SMAP2: variants seen among roughly 807,000 people sequenced by gnomAD.
The protein encoded by SMAP2 is stromal membrane-associated protein 2.
Under a neutral mutation model 56.4 loss-of-function variants are expected in SMAP2, and 25 were observed. The ratio of observed to expected loss-of-function variants is 0.44; its 90% CI spans 0.32 to 0.62. SMAP2 has a LOEUF of 0.62. Ranked by LOEUF, SMAP2 falls within the 20% of genes least tolerant of loss-of-function variation. SMAP2 has a pLI of 0.04. For synonymous variants in SMAP2, 157 were observed against 181.7 expected, an observed-to-expected ratio of 0.86 and a Z score of 1.09; for missense variants, 388 against 545.6, an observed-to-expected ratio of 0.71 and a Z score of 2.88.
chr1:40,405,438 A>G (rs912207535), intron 1 of SMAP2, among the ~76,000 whole-genome samples: 6 of 152,200 alleles, frequency 3.9e-5, no homozygotes, highest in Admixed American at 6.5e-5. Context: ...GCAGTGAGCT[A>G]TGATCGTGCC....
intron 1 of SMAP2, among the ~76,000 whole-genome samples, chr1:40,357,442 G>A (rs1167400497): frequency 4.6e-5 from 7 of 150,926 alleles, no homozygotes; most frequent in Admixed American, 2.0e-4. Context: ...GCCACAGAGC[G>A]AGATTCTGTC....
chr1:40,376,142 G>A (rs1644539642), intron 1 of SMAP2, among the ~76,000 whole-genome samples: 1 of 151,748 alleles, frequency 6.6e-6, no homozygotes, highest in Non-Finnish European at 1.5e-5. Context: ...GTAGAGACAG[G>A]GTTTCACCAT....
At chr1:40,400,085 T>C (rs1569887700) in intron 1 of SMAP2, among the ~76,000 whole-genome samples, 1 of 152,150 alleles carries the variant, frequency 6.6e-6, no homozygotes, top group East Asian at 1.9e-4. Context: ...GCTGAGACCC[T>C]TGTGATGTAT....
In SMAP2 at chr1:40,408,651, A is replaced by G; in HGVS notation, c.238-2A>G. On this transcript the variant is annotated splice_acceptor_variant, in intron 2 of 9. Coordinates refer to ENST00000372718, the MANE Select transcript of SMAP2 (RefSeq NM_022733.3). LOFTEE classifies it high-confidence loss of function. This position sits in a 1 kb window ranked among gnomAD's most constrained non-coding sequence, Gnocchi z 4.3. ...ATGTTTCTACATTCTCTTTGGTCAC[A>G]GTGCATGCAAGAGATGGGAAATGGA... The G allele has an allele frequency of 1.9e-6, 3 of 1,612,348 alleles. No homozygotes were observed. Among genetic ancestry groups the G allele is most frequent in the Non-Finnish European group, 2.5e-6 (3 of 1,178,464 alleles).
intron 9 of SMAP2, among the ~76,000 whole-genome samples, chr1:40,418,267 A>G (rs1645009339): frequency 6.6e-6 from 1 of 152,252 alleles, no homozygotes; most frequent in Non-Finnish European, 1.5e-5. Context: ...ACTCAATTAC[A>G]AGTTAGCTAA....
At chr1:40,357,474 A>AC (rs58265889) in intron 1 of SMAP2, among the ~76,000 whole-genome samples, 14 of 93,888 alleles carry the variant, frequency 1.5e-4, no homozygotes, top group African/African-American at 6.5e-4. Flanking sequence ...CAACAACCAC[A>AC]AAAAAAAAAA....
Position 40,385,240 on chromosome 1 carries a change from G to T in SMAP2, c.103+11017G>T, listed in dbSNP as rs1644642225. On this transcript the variant is annotated intron_variant, in intron 1 of 9. Coordinates refer to ENST00000372718, the MANE Select transcript of SMAP2 (RefSeq NM_022733.3). This position sits in a 1 kb window ranked among gnomAD's most constrained non-coding sequence, Gnocchi z 4.5. The stretch of plus-strand genomic sequence containing the variant: ...TCGGTAGTAGTAGAATTTTATTATT[G>T]TTGCTTTTTTTCATTTTCAATTAAT... Among the ~76,000 whole-genome samples, 1 of 152,110 alleles carries T rather than the reference G, an allele frequency of 6.6e-6. No individual in the cohort carries two copies. The highest frequency in any genetic ancestry group is 1.9e-4 in the East Asian group (1 of 5,180).
rs966085994 is a variant in SMAP2 at position 40,373,886 on chromosome 1, T to G, written c.-235T>G. 2 of 430,740 alleles carry G rather than the reference T, an allele frequency of 4.6e-6. No individual in the cohort carries two copies. The highest frequency in any genetic ancestry group is 4.2e-6 in the Non-Finnish European group (1 of 237,904). The allele number at this position is 430,740 out of a possible 1,614,324, so 26.7% of individuals were successfully genotyped here. Reference sequence around the variant, plus strand: ...GGGTCTCTGGCCCCGCAGCCTCTCTTGGAGGCGGGCCTGTCCCTAAGCCCG... The same window carrying G: ...GGGTCTCTGGCCCCGCAGCCTCTCTGGGAGGCGGGCCTGTCCCTAAGCCCG... On this transcript the variant is annotated 5_prime_UTR_variant, in exon 1 of 10. Coordinates refer to ENST00000372718, the MANE Select transcript of SMAP2 (RefSeq NM_022733.3).
intron 3 of SMAP2, among the ~76,000 whole-genome samples, chr1:40,409,548 G>A (rs1644915759): frequency 6.6e-6 from 1 of 152,266 alleles, no homozygotes; most frequent in South Asian, 2.1e-4. Context: ...TGAAGGGAAA[G>A]CATAGGAAGT....
At chr1:40,411,393 C>T (rs1271290787) in intron 4 of SMAP2, among the ~76,000 whole-genome samples, 1 of 152,144 alleles carries the variant, frequency 6.6e-6, no homozygotes, top group African/African-American at 2.4e-5. Flanking sequence ...CAGATGAGGT[C>T]AGAAAAGGGT....
intron 1 of SMAP2, among the ~76,000 whole-genome samples, chr1:40,377,542 G>C (rs548257457): frequency 2.0e-5 from 3 of 152,292 alleles, no homozygotes; most frequent in Non-Finnish European, 4.4e-5. Flanking sequence ...CCAAAGCCCT[G>C]GGGTTAATGT....
intron 1 of SMAP2, among the ~76,000 whole-genome samples, chr1:40,347,879 G>A (rs1030165547): frequency 1.3e-5 from 2 of 152,160 alleles, no homozygotes; most frequent in Admixed American, 6.6e-5. Context: ...GTCTGTGTGT[G>A]AGATTTATTC....
chr1:40,406,781 GA>G lies in SMAP2; in HGVS notation c.150del (p.Cys51ValfsTer15). On this transcript the variant is annotated frameshift_variant, in exon 2 of 10. Coordinates refer to ENST00000372718, the MANE Select transcript of SMAP2 (RefSeq NM_022733.3). LOFTEE classifies it high-confidence loss of function. ...AACATTGGTGTGTTCATCTGCATTC[GA>G]TGTGCTGGAATCCACAGGAATCTGG... ...SWNIGVFICI[R>X]CAGIHRNLGV... 1 of 1,614,082 alleles carries G rather than the reference GA, an allele frequency of 6.2e-7. No individual in the cohort carries two copies. Among genetic ancestry groups the G allele is most frequent in the Non-Finnish European group, 8.5e-7 (1 of 1,179,974 alleles).
rs781051229 is a variant in SMAP2, at chr1:40,415,256, C to T, written c.572-16C>T. Reference sequence around the variant, plus strand: ...AATAAGCAGTGCTGCATCTTAACTTCGATCTCTCTTTCTAGATGCTCCTGT... The same window carrying T: ...AATAAGCAGTGCTGCATCTTAACTTTGATCTCTCTTTCTAGATGCTCCTGT... On this transcript the variant is annotated splice_polypyrimidine_tract_variant and intron_variant, in intron 6 of 9. Transcript: ENST00000372718. The T allele has an allele frequency of 1.6e-5, 25 of 1,588,492 alleles. No individual in the cohort carries two copies. The Middle Eastern group carries it at 5.0e-4, about 32-fold the overall frequency.
At chr1:40,388,260 C>T (rs1644680574) in intron 1 of SMAP2, among the ~76,000 whole-genome samples, 1 of 152,228 alleles carries the variant, frequency 6.6e-6, no homozygotes, top group South Asian at 2.1e-4. Flanking sequence ...GACTGGCGGG[C>T]AGCTCCACCT....
At position 40,373,798 on chromosome 1, in the gene SMAP2, C is replaced by A. The variant is rs1210689330; in HGVS notation, c.-323C>A. ...CGGGACGCAAGGCCAGCAGACAGGC[C>A]GGCCAGAGGGTCATCTGCGTCCGGC... On this transcript the variant is annotated 5_prime_UTR_variant, in exon 1 of 10. Transcript: ENST00000372718. 4 of 218,208 alleles carry A rather than the reference C, an allele frequency of 1.8e-5. No individual in the cohort carries two copies. The highest frequency in any genetic ancestry group is 1.2e-4 in the Admixed American group (2 of 17,064). The allele number at this position is 218,208 out of a possible 1,614,324, so 13.5% of individuals were successfully genotyped here.
Position 40,374,598 on chromosome 1 carries a change from T to TGCGTGTGTGTGTGTGTGTGC in SMAP2, c.103+376_103+377insCGTGTGTGTGTGTGTGTGCG. 3.2e-6 allele frequency: 2 copies of TGCGTGTGTGTGTGTGTGTGC among 619,634 alleles called. No individual in the cohort carries two copies. The highest frequency in any genetic ancestry group is 7.3e-5 in the East Asian group (2 of 27,550). 38.4% of individuals were successfully genotyped at this position (619,634 alleles called of 1,614,324 possible). ...TGCATTGCGTGCGTGCGTGCGTGCG[T>TGCGTGTGTGTGTGTGTGTGC]GTGTGTGTGTGTGTGTGTGTGTGTG... On this transcript the variant is annotated intron_variant, in intron 1 of 9. Coordinates refer to ENST00000372718, the MANE Select transcript of SMAP2 (RefSeq NM_022733.3). The surrounding 1 kb of genome is among the most constrained non-coding windows in gnomAD (Gnocchi z 5.9).
At chr1:40,370,975 C>T (rs554608862), upstream of SMAP2, among the ~76,000 whole-genome samples, 1 of 152,084 alleles carries the variant, frequency 6.6e-6, no homozygotes, top group East Asian at 1.9e-4. Context: ...GAGATTGAGA[C>T]CATCCTGGCT....
At chr1:40,363,980 AC>A (rs1644469323) in intron 2 of SMAP2, among the ~76,000 whole-genome samples, 1 of 152,182 alleles carries the variant, frequency 6.6e-6, no homozygotes, top group African/African-American at 2.4e-5. Flanking sequence ...GACAAATAAC[AC>A]TGAGCTCATA....
Sources: gnomAD v4.1 joint callset for allele counts (sites outside exome capture counted in the v4.1 genomes callset) on GRCh38, gnomAD v4.1.1 for gene constraint, Gnocchi (gnomAD v3.1) non-coding constraint, MANE v1.5 for transcripts, NCBI Gene and HGNC (gene_info 2026-07-23, HGNC 2026-07-21) for gene names.